EPM2A: variants seen among roughly 807,000 people sequenced by gnomAD.
EPM2A encodes the protein EPM2A glucan phosphatase, laforin, also known as laforin.
In EPM2A, 21 loss-of-function variants were observed where a neutral mutation model predicts 26.5. The ratio of observed to expected loss-of-function variants is 0.79; its 90% CI spans 0.56 to 1.14. The LOEUF (loss-of-function observed/expected upper bound fraction) is 1.14, where lower values mean the gene tolerates loss of function less well. EPM2A is among the 50% of genes most tolerant of loss of function. The pLI is 0.00. For missense variants in EPM2A, 458 were observed against 440.8 expected (o/e 1.04, Z -0.35); for synonymous variants, 217 against 177.6 (o/e 1.22, Z -1.76).
rs184752266 is a variant in EPM2A, at chr6:145,411,605, G to A, written c.556-27508C>T. Among the ~76,000 whole-genome samples, 615 of 151,930 alleles carry A rather than the reference G, an allele frequency of 4.0e-3. 3 individuals carry two copies. Among genetic ancestry groups the A allele is most frequent in the Middle Eastern group, 0.014 (4 of 294 alleles). ...GAATGTAAAATTCTGCACATTCCAA[G>A]CATTTTAAAATTATTTTATTAGAAC... On this transcript the variant is annotated intron_variant, in intron 4 of 4. Coordinates refer to the EPM2A transcript ENST00000638717.
At chr6:145,673,708 C>T (rs1036570051) in intron 2 of EPM2A, among the ~76,000 whole-genome samples, 5 of 152,108 alleles carry the variant, frequency 3.3e-5, no homozygotes, top group African/African-American at 9.7e-5. Context: ...TGAGAGGCTG[C>T]AGCCTGGTGG....
intron 1 of EPM2A, among the ~76,000 whole-genome samples, chr6:145,713,741 T>C (rs1775465515): frequency 6.6e-6 from 1 of 152,194 alleles, no homozygotes; most frequent in Non-Finnish European, 1.5e-5. Context: ...TCTGGGTACA[T>C]ACCCAATACA....
intron 4 of EPM2A, among the ~76,000 whole-genome samples, chr6:145,460,605 A>C (rs1355146): frequency 0.45 from 68,092 of 151,728 alleles, 15,917 homozygotes; most frequent in Non-Finnish European, 0.52. Context: ...TTCCTCCCTT[A>C]CTTCCTTCCT....
chr6:145,493,591 T>G (rs1035659628), intron 4 of EPM2A, among the ~76,000 whole-genome samples: 1 of 152,222 alleles, frequency 6.6e-6, no homozygotes, highest in Non-Finnish European at 1.5e-5. Flanking sequence ...TGCTTATAGC[T>G]TTTGCCCATT....
rs372438789 is a variant in EPM2A, at chr6:145,422,057, G to GCATA, written c.556-37961_556-37960insTATG. 8.3e-5 allele frequency among the ~76,000 whole-genome samples: 11 copies of GCATA among 131,762 alleles called. No homozygotes were observed. The South Asian group carries it at 1.2e-3, about 15-fold the overall frequency. The allele number at this position is 131,762 out of a possible 152,430, so 86.4% of individuals were successfully genotyped here. On this transcript the variant is annotated intron_variant, in intron 4 of 4. Coordinates refer to the EPM2A transcript ENST00000638717. ...TAGGTTAAATAGAATATATATGAGT[G>GCATA]TATATATATATATATATATAGAGAG...
At chr6:145,559,230 T>C (rs1780772522) in intron 2 of EPM2A, among the ~76,000 whole-genome samples, 1 of 151,996 alleles carries the variant, frequency 6.6e-6, no homozygotes, top group African/African-American at 2.4e-5. Context: ...TGATGGGAAA[T>C]AGAGAGAAGG....
chr6:145,445,887 CA>C (rs1779122638), intron 4 of EPM2A, among the ~76,000 whole-genome samples: 1 of 152,148 alleles, frequency 6.6e-6, no homozygotes, highest in South Asian at 2.1e-4. Context: ...AGCAAAAAAG[CA>C]CATGTAAATG....
At chr6:145,474,639 A>T (rs1166314501) in intron 4 of EPM2A, among the ~76,000 whole-genome samples, 1 of 152,166 alleles carries the variant, frequency 6.6e-6, no homozygotes, top group Non-Finnish European at 1.5e-5. Context: ...TAAACTAAAG[A>T]GCTTCTGCAC....
chr6:145,548,471 A>G (rs1441245369), intron 2 of EPM2A, among the ~76,000 whole-genome samples: 1 of 152,126 alleles, frequency 6.6e-6, no homozygotes, highest in Non-Finnish European at 1.5e-5. Context: ...AAACTCGGGC[A>G]TGACAAGGTC....
At chr6:145,628,059 C>CA (rs540792353) in intron 3 of EPM2A, 7,715 of 209,334 alleles carry the variant, frequency 0.037, 269 homozygotes, top group African/African-American at 0.12. Context: ...TTAGAGGATT[C>CA]AAAAAAAAAA....
At chr6:145,530,538 A>G (rs1780339455) in intron 2 of EPM2A, among the ~76,000 whole-genome samples, 1 of 152,128 alleles carries the variant, frequency 6.6e-6, no homozygotes, top group Non-Finnish European at 1.5e-5. Flanking sequence ...CTTTCAACTT[A>G]CTACCCACAT....
chr6:145,735,091 A>C, intron 1 of EPM2A, 107 bp downstream of exon 1: 1 of 711,640 alleles, frequency 1.4e-6, no homozygotes. Flanking sequence ...AAAGCCCGGG[A>C]CGCGCGCCGC....
chr6:145,610,121 A>G (rs897360191), intron 2 of EPM2A, among the ~76,000 whole-genome samples: 28 of 151,966 alleles, frequency 1.8e-4, no homozygotes, highest in Non-Finnish European at 3.5e-4. Context: ...AGGCTGAGGC[A>G]GAGAACTGCT....
At chr6:145,513,684 T>C (rs1780086331) in intron 2 of EPM2A, among the ~76,000 whole-genome samples, 1 of 152,196 alleles carries the variant, frequency 6.6e-6, no homozygotes, top group Non-Finnish European at 1.5e-5. Flanking sequence ...AAAATATGAA[T>C]ATTGATTATT....
chr6:145,704,873 CTGTTT>C (rs1782125624), intron 1 of EPM2A, among the ~76,000 whole-genome samples: 1 of 152,188 alleles, frequency 6.6e-6, no homozygotes, highest in South Asian at 2.1e-4. Context: ...ATAGATGTGT[CTGTTT>C]TAATTTCTAA....
intron 2 of EPM2A, among the ~76,000 whole-genome samples, chr6:145,609,998 C>T (rs9322031): frequency 0.012 from 1,825 of 152,104 alleles, 14 homozygotes; most frequent in Non-Finnish European, 0.019. Context: ...AGTTGGATCA[C>T]GAGGTCAGGA....
intron 4 of EPM2A, among the ~76,000 whole-genome samples, chr6:145,418,735 G>A (rs1489260160): frequency 1.3e-5 from 2 of 152,158 alleles, no homozygotes; most frequent in East Asian, 3.9e-4. Flanking sequence ...GACTGAATCT[G>A]ATTTTTAAGC....
intron 2 of EPM2A, among the ~76,000 whole-genome samples, chr6:145,644,874 T>C (rs190134326): frequency 0.01 from 1,546 of 152,252 alleles, 11 homozygotes; most frequent in Admixed American, 0.017. Context: ...TGAGGATCCA[T>C]ACATATGGGA....
chr6:145,646,479 T>C (rs954151916), intron 2 of EPM2A, among the ~76,000 whole-genome samples: 9 of 152,186 alleles, frequency 5.9e-5, no homozygotes, highest in Admixed American at 5.2e-4. Flanking sequence ...CTTGGCCACA[T>C]ACACTTTCTT....
Sources: gnomAD v4.1 joint callset for allele counts (sites outside exome capture counted in the v4.1 genomes callset) on GRCh38, gnomAD v4.1.1 for gene constraint, MANE v1.5 for transcripts, NCBI Gene and HGNC (gene_info 2026-07-23, HGNC 2026-07-21) for gene names.